Variants in STAMBP observed in about 807,000 individuals in gnomAD.
STAMBP encodes the protein STAM binding protein, also known as STAM-binding protein.
A neutral mutation model predicts 50.7 loss-of-function variants in STAMBP; 31 were observed. The ratio of observed to expected loss-of-function variants is 0.61; its 90% confidence interval spans 0.46 to 0.83. The LOEUF is 0.83. Among genes scored for constraint, STAMBP ranks in the 40% least tolerant of loss-of-function variants. The probability of loss-of-function intolerance (pLI) is 0.00; values close to 1 mark genes in which losing one functional copy is unlikely to be tolerated. For synonymous variants in STAMBP, 211 were observed against 192.4 expected (o/e 1.10, Z -0.80); for missense variants, 472 against 518.9 (o/e 0.91, Z 0.88).
chr2:73,853,889 T>C (rs114457070), intron 7 of STAMBP, among the ~76,000 whole-genome samples: 137 of 152,362 alleles, frequency 9.0e-4, no homozygotes, highest in African/African-American at 3.2e-3. Context: ...TCAATGTGTA[T>C]CTCTAAACAC....
chr2:73,831,543 C>T (rs1397189224), intron 2 of STAMBP, among the ~76,000 whole-genome samples: 2 of 152,114 alleles, frequency 1.3e-5, no homozygotes, highest in Non-Finnish European at 1.5e-5. Flanking sequence ...GTTTGTGTGG[C>T]TCATCATAAT....
chr2:73,838,261 T>C (rs935148960), intron 2 of STAMBP, among the ~76,000 whole-genome samples: 4 of 152,206 alleles, frequency 2.6e-5, no homozygotes, highest in African/African-American at 9.7e-5. Flanking sequence ...AGTGTGAAAG[T>C]AGCCATAGAC....
chr2:73,837,512 G>A lies in STAMBP; in HGVS notation c.203+6453G>A, dbSNP rs375817122. Among the ~76,000 whole-genome samples the A allele has an allele frequency of 1.4e-4, 21 of 149,072 alleles. No homozygotes were observed. The East Asian group carries it at 1.6e-3, about 11-fold the overall frequency. ...AGGCAGGAGAATGGCGTGAACCCGGGAGGCGGAGCTTGCAGTGAGCCGAGA... is the reference window on the plus strand; with the variant it reads ...AGGCAGGAGAATGGCGTGAACCCGGAAGGCGGAGCTTGCAGTGAGCCGAGA... On this transcript the variant is annotated intron_variant, in intron 2 of 9. Transcript: ENST00000394070.
chr2:73,855,567 G>C, intron 7 of STAMBP: 1 of 455,820 alleles, frequency 2.2e-6, no homozygotes, highest in Non-Finnish European at 4.4e-6. Context: ...GATGGAAGGT[G>C]GTGTTGGCAC....
chr2:73,854,012 G>A (rs986663065), intron 7 of STAMBP, among the ~76,000 whole-genome samples: 2 of 152,214 alleles, frequency 1.3e-5, no homozygotes, highest in Non-Finnish European at 2.9e-5. Flanking sequence ...ACATTCTTGT[G>A]TGTAGTTTTC....
At chr2:73,843,356 C>A (rs1160225350) in intron 2 of STAMBP, among the ~76,000 whole-genome samples, 1 of 147,440 alleles carries the variant, frequency 6.8e-6, no homozygotes, top group African/African-American at 2.5e-5. Flanking sequence ...TACCACCACA[C>A]CCAGCTAATT....
chr2:73,849,540 C>G, intron 6 of STAMBP, 53 bp downstream of exon 6: 1 of 1,537,402 alleles, frequency 6.5e-7, no homozygotes. Flanking sequence ...TGTTTCTTCC[C>G]CTCTTGGCAT....
chr2:73,847,848 T>A (rs1676327740), intron 5 of STAMBP, 95 bp downstream of exon 5: 3 of 1,461,062 alleles, frequency 2.1e-6, no homozygotes, highest in South Asian at 2.7e-5. Flanking sequence ...CTGATCCCAC[T>A]CATTAAGCTT....
rs1242425416 is a variant in STAMBP at position 73,864,721 on chromosome 2, A to G, written c.*2462A>G. ...AGACTTTTCCACTCTTGCAAGCTGC[A>G]CAAGTACCATACTTAGTGTTCTGGG... is the stretch of plus-strand genomic sequence containing the variant. On this transcript the variant is annotated 3_prime_UTR_variant, in exon 10 of 10. Transcript: ENST00000394070. 1.3e-5 allele frequency: 2 copies of G among 152,288 alleles called. No homozygotes were observed. The highest frequency in any genetic ancestry group is 2.9e-5 in the Non-Finnish European group (2 of 68,096). The allele number at this position is 152,288 out of a possible 1,614,324, so 9.4% of individuals were successfully genotyped here.
intron 2 of STAMBP, among the ~76,000 whole-genome samples, chr2:73,833,684 A>T (rs1674232406): frequency 6.6e-6 from 1 of 152,184 alleles, no homozygotes; most frequent in African/African-American, 2.4e-5. Flanking sequence ...CTATTGCCCC[A>T]CAATAGAAAG....
chr2:73,872,774 A>T (rs1480678067), intron 10 of STAMBP, among the ~76,000 whole-genome samples: 2 of 152,242 alleles, frequency 1.3e-5, no homozygotes, highest in Non-Finnish European at 2.9e-5. Context: ...CGTAGAAAGG[A>T]TTTCAGACAG....
intron 5 of STAMBP, among the ~76,000 whole-genome samples, chr2:73,848,950 A>G (rs1012775627): frequency 3.9e-5 from 6 of 152,086 alleles, no homozygotes; most frequent in African/African-American, 1.4e-4. Context: ...TATGGGGTAC[A>G]TGAGATGTTT....
rs1164080897 is a variant in STAMBP at position 73,862,367 on chromosome 2, AG to A, written c.*114del. 1 of 856,534 alleles carries A rather than the reference AG, an allele frequency of 1.2e-6. No homozygotes were observed. The highest frequency in any genetic ancestry group is 1.7e-6 in the Non-Finnish European group (1 of 585,964). The allele number at this position is 856,534 out of a possible 1,614,324, so 53.1% of individuals were successfully genotyped here. A position where few individuals can be genotyped will look rare whatever the true frequency, so the allele number is the denominator to read the frequency against. The stretch of plus-strand genomic sequence containing the variant: ...TTGGAAGTTTTTGTAGATAGTAGAA[AG>A]GGGGGCATCACCTGAGAAAGAGCTG... On this transcript the variant is annotated 3_prime_UTR_variant, in exon 10 of 10. Transcript: ENST00000394070.
intron 2 of STAMBP, among the ~76,000 whole-genome samples, chr2:73,832,108 T>TATATATATATATATACACACACAC (rs1006072205): frequency 1.6e-5 from 2 of 122,896 alleles, no homozygotes; most frequent in African/African-American, 7.0e-5. Flanking sequence ...TATATATATA[T>TATATATATATATATACACACACAC]ACACATATAT....
At chr2:73,843,480 G>T in intron 2 of STAMBP, among the ~76,000 whole-genome samples, 1 of 149,394 alleles carries the variant, frequency 6.7e-6, no homozygotes, top group East Asian at 1.9e-4. Context: ...TGTTACCCAG[G>T]CTGGTCTTGA....
Position 73,831,019 on chromosome 2 carries a change from A to C in STAMBP, c.163A>C (p.Asn55His). The C allele has an allele frequency of 6.2e-7, 1 of 1,614,258 alleles. No individual in the cohort carries two copies. Among genetic ancestry groups the C allele is most frequent in the Non-Finnish European group, 8.5e-7 (1 of 1,180,036 alleles). Residue 55 changes from asparagine (N) to histidine (H), a missense_variant, in exon 2 of 10, where the codon AAC becomes CAC. Asn to His is a moderately conservative substitution (Grantham distance 68). Transcript: ENST00000394070. ...RMASIYSEEG[N>H]IEHAFILYNK... ...GGCATCCATTTACTCTGAGGAAGGC[A>C]ACATTGAACATGCCTTCATCCTCTA... is the stretch of plus-strand genomic sequence containing the variant.
chr2:73,836,545 C>T (rs1056137779), intron 2 of STAMBP, among the ~76,000 whole-genome samples: 1 of 152,218 alleles, frequency 6.6e-6, no homozygotes, highest in African/African-American at 2.4e-5. Flanking sequence ...GGAATAGACC[C>T]TGTCCAGCCC....
intron 8 of STAMBP, among the ~76,000 whole-genome samples, chr2:73,859,667 CA>C (rs1199408016): frequency 7.1e-6 from 1 of 140,056 alleles, no homozygotes; most frequent in African/African-American, 2.7e-5. Context: ...TAGAAAGTTT[CA>C]AAATCATAAA....
At chr2:73,843,191 C>CT (rs34680117) in intron 2 of STAMBP, among the ~76,000 whole-genome samples, 47,926 of 129,796 alleles carry the variant, frequency 0.37, 9,977 homozygotes, top group African/African-American at 0.57. Context: ...TTATATCTTT[C>CT]TTTTTTTTTT....
Sources: allele counts gnomAD v4.1 joint callset (sites outside exome capture counted in the v4.1 genomes callset), GRCh38; gene constraint gnomAD v4.1.1; transcripts MANE v1.5; gene names NCBI Gene and HGNC (gene_info 2026-07-23, HGNC 2026-07-21).